Variants in TLK1 observed in about 807,000 individuals in gnomAD.
TLK1 encodes serine/threonine-protein kinase tousled-like 1.
TLK1 carries 24 observed loss-of-function variants against 105.3 expected under a neutral mutation model. That is an observed-to-expected ratio of 0.23 (90% CI 0.17 to 0.32). TLK1 has a LOEUF of 0.32. Among genes scored for constraint, TLK1 ranks in the 10% least tolerant of loss-of-function variants. The pLI is 1.00. For synonymous variants in TLK1, 321 were observed against 310.4 expected, an observed-to-expected ratio of 1.03 and a Z score of -0.36; for missense variants, 558 against 910.5, an observed-to-expected ratio of 0.61 and a Z score of 4.98.
At chr2:171,026,154 G>A (rs1031069058) in intron 12 of TLK1, among the ~76,000 whole-genome samples, 1 of 152,066 alleles carries the variant, frequency 6.6e-6, no homozygotes, top group Non-Finnish European at 1.5e-5. Context: ...AAAAAAGCAG[G>A]AAAAAGATTA....
At chr2:171,059,941 A>T in intron 4 of TLK1, 1 of 1,571,858 alleles carries the variant, frequency 6.4e-7, no homozygotes. Flanking sequence ...TGTACGACCC[A>T]TTTCCCAATA....
At chr2:171,216,053 T>C (rs1174611577) in intron 1 of TLK1, among the ~76,000 whole-genome samples, 1 of 152,150 alleles carries the variant, frequency 6.6e-6, no homozygotes, top group Non-Finnish European at 1.5e-5. Flanking sequence ...ATTATCTCCA[T>C]TTTACAGACA....
intron 2 of TLK1, among the ~76,000 whole-genome samples, chr2:171,107,105 T>TTA (rs1160142037): frequency 6.6e-6 from 1 of 152,204 alleles, no homozygotes; most frequent in East Asian, 1.9e-4. Context: ...CCAGGCCAGT[T>TTA]GTCTAGCAGT....
At chr2:171,058,103 C>A (rs796721311) in intron 5 of TLK1, 48 bp downstream of exon 5, 1 of 1,588,086 alleles carries the variant, frequency 6.3e-7, no homozygotes, top group Non-Finnish European at 8.6e-7. Flanking sequence ...TAGCTCACAG[C>A]AGAATAGTAC....
At chr2:171,161,601 C>G (rs1475455531), upstream of TLK1, among the ~76,000 whole-genome samples, 1 of 152,112 alleles carries the variant, frequency 6.6e-6, no homozygotes, top group Non-Finnish European at 1.5e-5. Context: ...TATAGCAATT[C>G]TTTGTTTTAA....
upstream of TLK1, among the ~76,000 whole-genome samples, chr2:171,162,324 G>C (rs1390363095): frequency 6.6e-6 from 1 of 152,226 alleles, no homozygotes; most frequent in African/African-American, 2.4e-5. Flanking sequence ...CGGATCACGA[G>C]GTCAGGAGTT....
In TLK1 at chr2:171,189,206, G is replaced by A. The variant is rs58255319; in HGVS notation, c.-6+41939C>T. ...TTTTGAGATGGAGTCTTGCTCTGTCGCCCAGACTAGAGTGCAATGGCACAA... is the reference window on the plus strand; with the variant it reads ...TTTTGAGATGGAGTCTTGCTCTGTCACCCAGACTAGAGTGCAATGGCACAA... On this transcript the variant is annotated intron_variant, in intron 1 of 20. Transcript: ENST00000521943. Among the ~76,000 whole-genome samples, 1,255 of 142,202 alleles carry A rather than the reference G, an allele frequency of 8.8e-3. 15 individuals carry two copies. The highest frequency in any genetic ancestry group is 0.03 in the African/African-American group (1,115 of 37,738). The allele number at this position is 142,202 out of a possible 152,430, so 93.3% of individuals were successfully genotyped here.
chr2:171,194,463 T>C (rs1213810639), intron 1 of TLK1, among the ~76,000 whole-genome samples: 2 of 152,178 alleles, frequency 1.3e-5, no homozygotes, highest in Non-Finnish European at 2.9e-5. Context: ...TGAAACAAAG[T>C]AAAGCTTTGG....
intron 11 of TLK1, among the ~76,000 whole-genome samples, chr2:171,030,714 C>T (rs1431479746): frequency 6.6e-6 from 1 of 152,056 alleles, no homozygotes; most frequent in Admixed American, 6.5e-5. Flanking sequence ...ATAGTATGGG[C>T]TCATAACTAA....
At chr2:171,121,375 T>C (rs1690646231) in intron 1 of TLK1, among the ~76,000 whole-genome samples, 2 of 151,948 alleles carry the variant, frequency 1.3e-5, no homozygotes, top group Non-Finnish European at 2.9e-5. Context: ...CTACAAAAAA[T>C]ACAAAAATTA....
chr2:170,994,802 C>T, intron 20 of TLK1: 1 of 432,920 alleles, frequency 2.3e-6, no homozygotes, highest in Non-Finnish European at 4.6e-6. Flanking sequence ...TTATGTTCTC[C>T]TTTGCCAGGC....
At chr2:171,022,079 G>A (rs890840367) in intron 12 of TLK1, among the ~76,000 whole-genome samples, 1 of 45,226 alleles carries the variant, frequency 2.2e-5, no homozygotes, top group Non-Finnish European at 4.9e-5. Flanking sequence ...CTCCAGCCTG[G>A]GCGAAAAACA....
At chr2:171,080,055 G>C (rs1031973030) in intron 3 of TLK1, among the ~76,000 whole-genome samples, 2 of 151,854 alleles carry the variant, frequency 1.3e-5, no homozygotes, top group African/African-American at 4.8e-5. Flanking sequence ...AAACTGTCTG[G>C]GCACGGTGGC....
intron 11 of TLK1, 37 bp downstream of exon 11, chr2:171,046,137 C>T (rs369980353): frequency 4.4e-4 from 651 of 1,474,602 alleles, no homozygotes; most frequent in Non-Finnish European, 5.6e-4. Context: ...TCACTGGCAA[C>T]AATTTTAAAA....
chr2:171,115,170 C>CTTTTTTTTT lies in TLK1; in HGVS notation c.258+2568_258+2569insAAAAAAAAA, dbSNP rs373796060. ...ATCTTGCTTCATCTTTTAAGAATTTCTTTCTTTTTTTTTTTTTTGAGACTG... is the reference window on the plus strand; with the variant it reads ...ATCTTGCTTCATCTTTTAAGAATTTCTTTTTTTTTTTTCTTTTTTTTTTTTTTGAGACTG... On this transcript the variant is annotated intron_variant, in intron 2 of 20. Coordinates refer to ENST00000431350, the MANE Select transcript of TLK1 (RefSeq NM_012290.5). Among the ~76,000 whole-genome samples the CTTTTTTTTT allele has an allele frequency of 3.9e-3, 523 of 135,632 alleles. 36 individuals carry two copies. The highest frequency in any genetic ancestry group is 9.1e-3 in the African/African-American group (302 of 33,118). The allele number at this position is 135,632 out of a possible 152,430, so 89.0% of individuals were successfully genotyped here.
intron 11 of TLK1, among the ~76,000 whole-genome samples, chr2:171,037,601 T>A (rs6726661): frequency 0.79 from 120,545 of 152,076 alleles, 51,472 homozygotes; most frequent in East Asian, 0.99. Flanking sequence ...TCTAATTTTT[T>A]AAAATTTTTC....
chr2:171,211,790 C>T (rs1194456319), intron 1 of TLK1, among the ~76,000 whole-genome samples: 1 of 151,620 alleles, frequency 6.6e-6, no homozygotes, highest in Non-Finnish European at 1.5e-5. Flanking sequence ...CCTCGTGATC[C>T]ACCCGCCTCG....
intron 3 of TLK1, among the ~76,000 whole-genome samples, chr2:171,065,631 G>A (rs1418177782): frequency 6.6e-6 from 1 of 151,934 alleles, no homozygotes. Flanking sequence ...TCTGCCTCCT[G>A]GGTTCACACC....
intron 8 of TLK1, among the ~76,000 whole-genome samples, chr2:171,053,280 T>C (rs184591679): frequency 1.1e-4 from 16 of 152,290 alleles, no homozygotes; most frequent in African/African-American, 3.1e-4. Flanking sequence ...TTATTGAAGA[T>C]CTAATAAAAT....
Sources: gnomAD v4.1 joint callset for allele counts (sites outside exome capture counted in the v4.1 genomes callset) on GRCh38, gnomAD v4.1.1 for gene constraint, MANE v1.5 for transcripts, NCBI Gene and HGNC (gene_info 2026-07-23, HGNC 2026-07-21) for gene names.